ANO4: variants seen among roughly 807,000 people sequenced by gnomAD.
ANO4 encodes anoctamin 4.
Under a neutral mutation model 141.9 loss-of-function variants are expected in ANO4, and 69 were observed. The observed-to-expected ratio is 0.49, with a 90% confidence interval of 0.40 to 0.59. ANO4 has a LOEUF of 0.59. Ranked by LOEUF, ANO4 falls within the 20% of genes least tolerant of loss-of-function variation. The probability of loss-of-function intolerance (pLI) is 0.00; values close to 1 mark genes in which losing one functional copy is unlikely to be tolerated. For synonymous variants in ANO4, 350 were observed against 394.3 expected, an observed-to-expected ratio of 0.89 and a Z score of 1.33; for missense variants, 894 against 1,162.2, an observed-to-expected ratio of 0.77 and a Z score of 3.36.
chr12:100,908,092 G>T (rs2040927081), intron 2 of ANO4, among the ~76,000 whole-genome samples: 1 of 152,198 alleles, frequency 6.6e-6, no homozygotes, highest in African/African-American at 2.4e-5. Flanking sequence ...GAGTACGGTG[G>T]CTCACGCCTG....
intron 14 of ANO4, chr12:101,069,150 T>C (rs112526266): frequency 1.5e-6 from 2 of 1,311,684 alleles, no homozygotes. Context: ...AAGAATCTAA[T>C]TGAAATGTCT....
intron 14 of ANO4, chr12:101,066,756 T>G: frequency 3.3e-6 from 3 of 919,510 alleles, no homozygotes; most frequent in Non-Finnish European, 3.6e-6. Flanking sequence ...CCTGAGTTGC[T>G]GCAGCAGCAG....
At chr12:101,082,265 T>C (rs2049314121) in intron 15 of ANO4, among the ~76,000 whole-genome samples, 1 of 152,208 alleles carries the variant, frequency 6.6e-6, no homozygotes, top group African/African-American at 2.4e-5. Flanking sequence ...CCTGCCACCA[T>C]GTAAGATGTG....
chr12:101,095,169 A>G (rs2049931315), intron 18 of ANO4, among the ~76,000 whole-genome samples: 2 of 152,232 alleles, frequency 1.3e-5, no homozygotes, highest in Admixed American at 1.3e-4. Flanking sequence ...TTTATTCATC[A>G]TTCTGACAAC....
At chr12:100,769,457 C>G (rs576328547) in intron 3 of ANO4, among the ~76,000 whole-genome samples, 4 of 152,302 alleles carry the variant, frequency 2.6e-5, no homozygotes, top group Admixed American at 2.0e-4. Context: ...GGGTTTCAGT[C>G]TTGCCTCTAC....
chr12:101,037,705 CT>C (rs1345243560), intron 10 of ANO4, among the ~76,000 whole-genome samples: 2 of 152,230 alleles, frequency 1.3e-5, no homozygotes, highest in Admixed American at 1.3e-4. Context: ...CCCAGCTCTA[CT>C]TTCCACAGAA....
intron 1 of ANO4, among the ~76,000 whole-genome samples, chr12:100,862,833 G>T (rs2038554877): frequency 6.6e-6 from 1 of 152,116 alleles, no homozygotes; most frequent in Admixed American, 6.5e-5. Flanking sequence ...CATATATGTT[G>T]TCCATCATTG....
Position 100,972,978 on chromosome 12 carries a change from T to C in ANO4, c.557+1572T>C, listed in dbSNP as rs145511069. Among the ~76,000 whole-genome samples the C allele has an allele frequency of 1.4e-4, 22 of 152,328 alleles. No individual in the cohort carries two copies. In the East Asian group the frequency reaches 4.2e-3, roughly 29 times the overall value. On this transcript the variant is annotated intron_variant, in intron 6 of 27. Transcript: ENST00000392977. ...CTGCATGCCTACTACACAGCAGAAA[T>C]GTGCTGCCTCCAAGCAGCATTAATA...
chr12:100,982,619 T>G (rs2044523578), intron 7 of ANO4, among the ~76,000 whole-genome samples: 1 of 152,226 alleles, frequency 6.6e-6, no homozygotes, highest in African/African-American at 2.4e-5. Context: ...AGGCATTGTG[T>G]AAGCACTTGA....
At chr12:100,731,740 C>A (rs1274161969) in intron 1 of ANO4, among the ~76,000 whole-genome samples, 1 of 152,176 alleles carries the variant, frequency 6.6e-6, no homozygotes, top group Non-Finnish European at 1.5e-5. Context: ...TAGTTGGAAT[C>A]ATAAAGAATT....
At chr12:101,110,091 G>A (rs2050604016) in intron 22 of ANO4, among the ~76,000 whole-genome samples, 1 of 152,090 alleles carries the variant, frequency 6.6e-6, no homozygotes, top group African/African-American at 2.4e-5. Flanking sequence ...GGCTTCTCTT[G>A]TATTGTCCCT....
intron 1 of ANO4, among the ~76,000 whole-genome samples, chr12:100,895,567 T>TTG (rs933246333): frequency 1.3e-5 from 2 of 151,586 alleles, no homozygotes; most frequent in African/African-American, 4.9e-5. Context: ...CTTTGTTTTT[T>TTG]TTTTTTTTTT....
intron 3 of ANO4, among the ~76,000 whole-genome samples, chr12:100,937,785 T>C (rs942868324): frequency 3.3e-5 from 5 of 152,160 alleles, no homozygotes; most frequent in Non-Finnish European, 7.3e-5. Flanking sequence ...TTCTGTCTTC[T>C]AAAAGCCACC....
intron 27 of ANO4, 105 bp downstream of exon 27, chr12:101,127,179 A>G: frequency 8.6e-7 from 1 of 1,167,064 alleles, no homozygotes; most frequent in Non-Finnish European, 1.2e-6. Context: ...AGGGATCAAA[A>G]TAAACTCCTT....
Position 100,987,560 on chromosome 12 carries a change from G to A in ANO4, c.624G>A (p.Arg208=), listed in dbSNP as rs150616124. Residue 208 remains arginine (R), a synonymous_variant, in exon 8 of 28, where the codon AGG becomes AGA. Coordinates refer to ENST00000392977, the MANE Select transcript of ANO4 (RefSeq NM_001286615.2). ...ACAGGATCGATAAACAAATAAGCAG[G>A]TTTCGGAGATGGTTACCTAAGAAGC... The part of the protein sequence containing the change: ...FMSRIDKQIS[R]FRRWLPKKPM... The A allele has an allele frequency of 1.4e-5, 22 of 1,613,868 alleles. No homozygotes were observed. Among genetic ancestry groups the A allele is most frequent in the East Asian group, 2.2e-5 (1 of 44,880 alleles).
At chr12:100,914,267 T>C (rs1052971201) in intron 2 of ANO4, among the ~76,000 whole-genome samples, 1 of 152,250 alleles carries the variant, frequency 6.6e-6, no homozygotes, top group Admixed American at 6.5e-5. Context: ...TGCAGTAGAA[T>C]TATTATTTCC....
chr12:100,726,960 A>C (rs1286797109), intron 1 of ANO4, among the ~76,000 whole-genome samples: 37 of 141,706 alleles, frequency 2.6e-4, no homozygotes, highest in East Asian at 9.3e-4. Context: ...TTGCCCCGGG[A>C]CCCCCCCCGC....
intron 19 of ANO4, 38 bp from the exon 20 acceptor site, chr12:101,097,613 T>C: frequency 6.3e-7 from 1 of 1,598,576 alleles, no homozygotes; most frequent in Non-Finnish European, 8.6e-7. Flanking sequence ...AGCTTGGACC[T>C]AGAGCACTAA....
intron 1 of ANO4, among the ~76,000 whole-genome samples, chr12:100,828,743 C>T (rs2036490466): frequency 6.6e-6 from 1 of 151,946 alleles, no homozygotes; most frequent in South Asian, 2.1e-4. Flanking sequence ...CTTCTTCTCT[C>T]CAACTTCATA....
Sources: allele counts gnomAD v4.1 joint callset (sites outside exome capture counted in the v4.1 genomes callset), GRCh38; gene constraint gnomAD v4.1.1; transcripts MANE v1.5; gene names NCBI Gene and HGNC (gene_info 2026-07-23, HGNC 2026-07-21).